ZFAT: variants seen among roughly 807,000 people sequenced by gnomAD.
The protein encoded by ZFAT is zinc finger and AT-hook domain containing, also known as zinc finger protein ZFAT.
Under a neutral mutation model 117.7 loss-of-function variants are expected in ZFAT, and 64 were observed. That is an observed-to-expected ratio of 0.54 (90% confidence interval 0.44 to 0.67). ZFAT has a LOEUF of 0.67. Ranked by LOEUF, ZFAT falls within the 30% of genes least tolerant of loss-of-function variation. ZFAT has a pLI of 0.00. For missense variants in ZFAT, 1,433 were observed against 1,584.5 expected (o/e 0.90, Z 1.62); for synonymous variants, 679 against 615.0 (o/e 1.10, Z -1.54).
At chr8:134,637,799 C>T (rs1472285252) in intron 2 of ZFAT, 87 bp from the exon 3 acceptor site, 1 of 1,510,490 alleles carries the variant, frequency 6.6e-7, no homozygotes, top group African/African-American at 1.4e-5. Context: ...AGGATATGTT[C>T]AGGTTTCACG....
intron 15 of ZFAT, among the ~76,000 whole-genome samples, chr8:134,504,109 T>C: frequency 6.6e-6 from 1 of 152,130 alleles, no homozygotes; most frequent in East Asian, 1.9e-4. Context: ...CAAGACTGCA[T>C]CAGGTAAGCT....
At chr8:134,652,640 T>C (rs1365338217) in intron 2 of ZFAT, among the ~76,000 whole-genome samples, 3 of 152,216 alleles carry the variant, frequency 2.0e-5, no homozygotes. Flanking sequence ...GAACAGTAAT[T>C]CACAGATGTG....
At position 134,664,831 on chromosome 8, in the gene ZFAT, T is replaced by G. The variant is rs999692916; in HGVS notation, c.20-7094A>C. Among the ~76,000 whole-genome samples the G allele has an allele frequency of 1.1e-4, 17 of 152,382 alleles. No homozygotes were observed. The East Asian group carries it at 3.3e-3, about 29-fold the overall frequency. The stretch of plus-strand genomic sequence containing the variant: ...AGATGCTATAATTTGGATGCATTTT[T>G]AGGTCCAATTACTGTGCACTCATCC... On this transcript the variant is annotated intron_variant, in intron 1 of 15. Transcript: ENST00000377838.
At chr8:134,589,974 C>CAAG (rs1826343288) in intron 8 of ZFAT, among the ~76,000 whole-genome samples, 1 of 152,198 alleles carries the variant, frequency 6.6e-6, no homozygotes, top group African/African-American at 2.4e-5. Context: ...AACAGCCCTG[C>CAAG]CTCATATGCG....
At chr8:134,509,055 T>C (rs1339163208) in intron 15 of ZFAT, among the ~76,000 whole-genome samples, 2 of 152,192 alleles carry the variant, frequency 1.3e-5, no homozygotes, top group African/African-American at 2.4e-5. Flanking sequence ...TTTTAACAGA[T>C]GGTGAAGTCT....
intron 7 of ZFAT, among the ~76,000 whole-genome samples, chr8:134,594,620 A>T (rs1265330784): frequency 2.0e-5 from 3 of 152,092 alleles, no homozygotes; most frequent in Admixed American, 1.3e-4. Context: ...CCTCCTACTA[A>T]AAAGGAGGAT....
At chr8:134,495,749 G>A (rs893515946) in intron 15 of ZFAT, among the ~76,000 whole-genome samples, 1 of 152,182 alleles carries the variant, frequency 6.6e-6, no homozygotes, top group Non-Finnish European at 1.5e-5. Context: ...GTGCAACATG[G>A]CAAAATCCTG....
the ZFAT span, chr8:134,767,314 A>T: frequency 6.6e-6 from 1 of 152,224 alleles, no homozygotes; most frequent in Non-Finnish European, 1.5e-5. Context: ...CGCCTTGTAG[A>T]TGTGTCAATT....
At chr8:134,822,552 T>C in the ZFAT span, among the ~76,000 whole-genome samples, 2 of 152,142 alleles carry the variant, frequency 1.3e-5, no homozygotes, top group Non-Finnish European at 2.9e-5. Flanking sequence ...CTTCCTATAA[T>C]GAAAATTTTT....
At chr8:134,764,900 C>T in the ZFAT span, 2 of 152,186 alleles carry the variant, frequency 1.3e-5, no homozygotes, top group Admixed American at 6.5e-5. Context: ...CACGGGAACC[C>T]GCAGGCACTG....
At chr8:134,548,732 C>A (rs1032638952) in intron 11 of ZFAT, among the ~76,000 whole-genome samples, 41 of 152,172 alleles carry the variant, frequency 2.7e-4, no homozygotes, top group African/African-American at 9.9e-4. Context: ...CACCTAACAC[C>A]TACTGACATC....
the ZFAT span, chr8:134,793,335 C>T: frequency 6.6e-6 from 1 of 152,292 alleles, no homozygotes; most frequent in South Asian, 2.1e-4. Context: ...GACCAACTAC[C>T]TTGGAGTTCC....
At chr8:134,805,480 A>C in the ZFAT span, among the ~76,000 whole-genome samples, 11 of 152,216 alleles carry the variant, frequency 7.2e-5, no homozygotes, top group Non-Finnish European at 1.5e-4. Flanking sequence ...CAGCTGATTT[A>C]GGTTAGGGAT....
chr8:134,607,897 G>GTC (rs1828014289), intron 5 of ZFAT, among the ~76,000 whole-genome samples: 1 of 152,244 alleles, frequency 6.6e-6, no homozygotes, highest in Admixed American at 6.5e-5. Flanking sequence ...AGTGTATCTG[G>GTC]AGGACAGTTT....
intron 7 of ZFAT, among the ~76,000 whole-genome samples, chr8:134,596,764 T>C (rs1019085216): frequency 6.6e-6 from 1 of 152,166 alleles, no homozygotes; most frequent in Admixed American, 6.5e-5. Context: ...CAAAAGACTG[T>C]ATTGAATATA....
intron 11 of ZFAT, among the ~76,000 whole-genome samples, chr8:134,558,047 T>C (rs186768088): frequency 1.3e-5 from 2 of 152,320 alleles, no homozygotes; most frequent in Admixed American, 6.5e-5. Context: ...GGATCCTCGG[T>C]TGGGCTCTAG....
intron 5 of ZFAT, among the ~76,000 whole-genome samples, chr8:134,605,525 G>A (rs1281482700): frequency 1.4e-5 from 2 of 143,948 alleles, no homozygotes; most frequent in Non-Finnish European, 3.0e-5. Flanking sequence ...CAGCCCGGGA[G>A]ACAGAGCCAC....
chr8:134,688,600 G>A (rs774340546), intron 1 of ZFAT, among the ~76,000 whole-genome samples: 1 of 152,184 alleles, frequency 6.6e-6, no homozygotes, highest in Non-Finnish European at 1.5e-5. Flanking sequence ...TCCAGAGTTT[G>A]AGCCACAGCA....
rs148374444 is a variant in ZFAT at position 134,574,418 on chromosome 8, G to A, written c.2888-8997C>T. On this transcript the variant is annotated intron_variant, in intron 10 of 15. Coordinates refer to ENST00000377838, the MANE Select transcript of ZFAT (RefSeq NM_020863.4). ...CGACTTGGCACTAACAGTATGTGCG[G>A]CACCTGTTGTTCCCTTTGTTTCTTA... 5.3e-3 allele frequency among the ~76,000 whole-genome samples: 808 copies of A among 152,014 alleles called. 6 individuals carry two copies. The highest frequency in any genetic ancestry group is 0.018 in the African/African-American group (739 of 41,438).
Sources: allele counts gnomAD v4.1 joint callset (sites outside exome capture counted in the v4.1 genomes callset), GRCh38; gene constraint gnomAD v4.1.1; transcripts MANE v1.5; gene names NCBI Gene and HGNC (gene_info 2026-07-23, HGNC 2026-07-21).